SKIC2: variants seen among roughly 807,000 people sequenced by gnomAD.
The protein encoded by SKIC2 is superkiller complex protein 2.
the SKIC2 span, chr6:31,966,826 C>T: frequency 1.2e-6 from 2 of 1,614,140 alleles, no homozygotes; most frequent in South Asian, 2.2e-5. The surrounding 1 kb of genome is among the most constrained non-coding windows in gnomAD (Gnocchi z 5.9). Flanking sequence ...CTCTGAGTTT[C>T]CCTCCCGCAA....
the SKIC2 span, chr6:31,968,135 G>A: frequency 6.2e-7 from 1 of 1,607,932 alleles, no homozygotes; most frequent in Non-Finnish European, 8.5e-7. The surrounding 1 kb of genome is among the most constrained non-coding windows in gnomAD (Gnocchi z 6.1). Flanking sequence ...TAGAGGCAGG[G>A]AGGGGCAGTG....
chr6:31,964,431 G>A, the SKIC2 span: 1 of 952,456 alleles, frequency 1.0e-6, no homozygotes, highest in Non-Finnish European at 1.7e-6. This position sits in a 1 kb window ranked among gnomAD's most constrained non-coding sequence, Gnocchi z 5.0. Flanking sequence ...GGTTTAGGCA[G>A]GCCAGTGCTG....
chr6:31,964,217 C>T, the SKIC2 span: 4 of 1,611,898 alleles, frequency 2.5e-6, no homozygotes, highest in South Asian at 1.1e-5. The surrounding 1 kb of genome is among the most constrained non-coding windows in gnomAD (Gnocchi z 5.0). Flanking sequence ...GACCATGGGC[C>T]TCCTCCCACC....
chr6:31,968,340 C>T, the SKIC2 span: 1 of 1,612,670 alleles, frequency 6.2e-7, no homozygotes, highest in Admixed American at 1.7e-5. The surrounding 1 kb of genome is among the most constrained non-coding windows in gnomAD (Gnocchi z 6.1). Context: ...AGGATCCTCC[C>T]CTTGCAGCCG....
chr6:31,963,966 G>C, the SKIC2 span: 1 of 1,612,298 alleles, frequency 6.2e-7, no homozygotes, highest in African/African-American at 1.3e-5. The surrounding 1 kb of genome is among the most constrained non-coding windows in gnomAD (Gnocchi z 5.3). Context: ...GTGCCCAGTT[G>C]CCCGTGGTGG....
At chr6:31,966,926 C>T in the SKIC2 span, 31 of 1,612,942 alleles carry the variant, frequency 1.9e-5, no homozygotes, top group East Asian at 3.3e-4. The surrounding 1 kb of genome is among the most constrained non-coding windows in gnomAD (Gnocchi z 5.9). Context: ...ATCCAGAGGC[C>T]AGTGTGTTGA....
the SKIC2 span, chr6:31,959,553 T>C: frequency 6.3e-6 from 4 of 636,446 alleles, no homozygotes; most frequent in Non-Finnish European, 1.1e-5. Context: ...CAGCCCAGTG[T>C]ACCTGCAGTA....
the SKIC2 span, chr6:31,963,438 G>T: frequency 6.2e-7 from 1 of 1,601,976 alleles, no homozygotes; most frequent in African/African-American, 1.3e-5. The surrounding 1 kb of genome is among the most constrained non-coding windows in gnomAD (Gnocchi z 5.3). Context: ...TCAGATCTAT[G>T]TGATTAGCAC....
chr6:31,964,203 C>G, the SKIC2 span: 3 of 1,610,298 alleles, frequency 1.9e-6, no homozygotes, highest in South Asian at 2.2e-5. The surrounding 1 kb of genome is among the most constrained non-coding windows in gnomAD (Gnocchi z 5.0). Flanking sequence ...GAGACTCCAT[C>G]CCTGACCATG....
At chr6:31,963,817 C>T in the SKIC2 span, 1 of 1,494,124 alleles carries the variant, frequency 6.7e-7, no homozygotes, top group Non-Finnish European at 9.2e-7. The surrounding 1 kb of genome is among the most constrained non-coding windows in gnomAD (Gnocchi z 5.3). Context: ...GGGGTTTTGA[C>T]TTGAGCTTTG....
chr6:31,959,281 T>C, the SKIC2 span: 1 of 1,609,756 alleles, frequency 6.2e-7, no homozygotes. Context: ...CCCTGACTTT[T>C]GACCTTTCCC....
At chr6:31,966,395 A>G in the SKIC2 span, among the ~76,000 whole-genome samples, 3 of 152,116 alleles carry the variant, frequency 2.0e-5, no homozygotes, top group Non-Finnish European at 2.9e-5. The surrounding 1 kb of genome is among the most constrained non-coding windows in gnomAD (Gnocchi z 5.9). Context: ...TGTGGGCCAC[A>G]GCGCCCAACT....
the SKIC2 span, chr6:31,963,108 G>A: frequency 3.2e-6 from 5 of 1,548,952 alleles, no homozygotes; most frequent in African/African-American, 1.4e-5. The surrounding 1 kb of genome is among the most constrained non-coding windows in gnomAD (Gnocchi z 5.3). Flanking sequence ...CGTGTGTCCC[G>A]GGTTGCCTGG....
At chr6:31,967,041 T>G in the SKIC2 span, 1 of 1,612,974 alleles carries the variant, frequency 6.2e-7, no homozygotes, top group South Asian at 1.1e-5. The surrounding 1 kb of genome is among the most constrained non-coding windows in gnomAD (Gnocchi z 4.9). Context: ...ACCAAGAGGC[T>G]GGGAGCTTTG....
chr6:31,962,236 G>T, the SKIC2 span, among the ~76,000 whole-genome samples: 1 of 152,284 alleles, frequency 6.6e-6, no homozygotes, highest in Middle Eastern at 3.4e-3. This position sits in a 1 kb window ranked among gnomAD's most constrained non-coding sequence, Gnocchi z 5.0. Flanking sequence ...AAGTTTAGAA[G>T]AATGACCTGG....
chr6:31,965,189 A>G, the SKIC2 span, among the ~76,000 whole-genome samples: 2 of 152,232 alleles, frequency 1.3e-5, no homozygotes, highest in African/African-American at 4.8e-5. The surrounding 1 kb of genome is among the most constrained non-coding windows in gnomAD (Gnocchi z 5.6). Context: ...TCCTGGGTAT[A>G]TATCACAAAG....
the SKIC2 span, chr6:31,959,350 T>G: frequency 1.9e-6 from 3 of 1,613,954 alleles, no homozygotes; most frequent in Non-Finnish European, 2.5e-6. Context: ...GGAGCTCGGA[T>G]GCACGGGGCA....
At chr6:31,968,300 C>T in the SKIC2 span, 47 of 1,575,600 alleles carry the variant, frequency 3.0e-5, no homozygotes, top group Non-Finnish European at 3.7e-5. This position sits in a 1 kb window ranked among gnomAD's most constrained non-coding sequence, Gnocchi z 6.1. Context: ...GATCTTACCC[C>T]AGATCTTAAG....
At chr6:31,969,193 A>G in the SKIC2 span, 1 of 1,568,414 alleles carries the variant, frequency 6.4e-7, no homozygotes, top group Non-Finnish European at 8.7e-7. The surrounding 1 kb of genome is among the most constrained non-coding windows in gnomAD (Gnocchi z 6.1). Flanking sequence ...AAGTGCCCCA[A>G]GGATGGAAAA....
Sources: gnomAD v4.1 joint callset for allele counts (sites outside exome capture counted in the v4.1 genomes callset) on GRCh38, gnomAD v4.1.1 for gene constraint, Gnocchi (gnomAD v3.1) non-coding constraint, MANE v1.5 for transcripts, NCBI Gene and HGNC (gene_info 2026-07-23, HGNC 2026-07-21) for gene names.